Variants in TNFAIP8 observed in about 807,000 individuals in gnomAD.
The protein encoded by TNFAIP8 is tumor necrosis factor alpha-induced protein 8.
TNFAIP8 carries 7 observed loss-of-function variants against 13.3 expected under a neutral mutation model. That is an observed-to-expected ratio of 0.52 (90% CI 0.30 to 0.99). The LOEUF (loss-of-function observed/expected upper bound fraction) is 0.99. TNFAIP8 is among the 50% of genes least tolerant of loss of function. TNFAIP8 has a pLI of 0.07. For synonymous variants in TNFAIP8, 94 were observed against 87.6 expected (o/e 1.07, Z -0.41); for missense variants, 258 against 236.9 (o/e 1.09, Z -0.58).
At chr5:119,344,416 A>G (rs538881663) in intron 1 of TNFAIP8, among the ~76,000 whole-genome samples, 1 of 152,170 alleles carries the variant, frequency 6.6e-6, no homozygotes, top group African/African-American at 2.4e-5. Context: ...AACACCTCCT[A>G]TCAGGCCCCA....
intron 1 of TNFAIP8, among the ~76,000 whole-genome samples, chr5:119,377,340 T>A (rs1366280802): frequency 6.6e-6 from 1 of 151,344 alleles, no homozygotes; most frequent in Non-Finnish European, 1.5e-5. Flanking sequence ...GAGGTCAGAG[T>A]GACATTGCAC....
chr5:119,387,258 T>A (rs763586578), intron 1 of TNFAIP8, among the ~76,000 whole-genome samples: 77 of 152,206 alleles, frequency 5.1e-4, no homozygotes, highest in Non-Finnish European at 8.5e-4. Flanking sequence ...CCCATTAGAT[T>A]TAGAATTATT....
chr5:119,356,158 C>G, intron 1 of TNFAIP8, 37 bp downstream of exon 1: 2 of 1,538,488 alleles, frequency 1.3e-6, no homozygotes. Flanking sequence ...CGGCCAAGTT[C>G]TGCGGAGGAA....
chr5:119,329,215 G>C (rs562401756), intron 1 of TNFAIP8, among the ~76,000 whole-genome samples: 1 of 152,308 alleles, frequency 6.6e-6, no homozygotes, highest in African/African-American at 2.4e-5. Flanking sequence ...CAACACCCAA[G>C]TTATCTGATT....
At chr5:119,363,476 A>G (rs182680377) in intron 1 of TNFAIP8, among the ~76,000 whole-genome samples, 34 of 152,238 alleles carry the variant, frequency 2.2e-4, no homozygotes, top group Non-Finnish European at 4.0e-4. Context: ...TCCTTTCCAG[A>G]TTGTCACACC....
At chr5:119,303,272 A>G (rs982767343) in intron 1 of TNFAIP8, among the ~76,000 whole-genome samples, 26 of 152,204 alleles carry the variant, frequency 1.7e-4, no homozygotes, top group African/African-American at 6.3e-4. Context: ...TTTTGTTTAA[A>G]GTGTATGTCA....
At chr5:119,385,806 C>G (rs1049857052) in intron 1 of TNFAIP8, among the ~76,000 whole-genome samples, 2 of 152,176 alleles carry the variant, frequency 1.3e-5, no homozygotes, top group African/African-American at 4.8e-5. Flanking sequence ...TACTAAAGAG[C>G]ATCAGAATGT....
intron 1 of TNFAIP8, among the ~76,000 whole-genome samples, chr5:119,331,429 T>G (rs888608747): frequency 2.0e-5 from 3 of 152,172 alleles, no homozygotes; most frequent in Admixed American, 6.5e-5. Context: ...CGGGGATATC[T>G]TGGGCATTCT....
intron 1 of TNFAIP8, among the ~76,000 whole-genome samples, chr5:119,317,757 C>A (rs1749942966): frequency 6.6e-6 from 1 of 152,056 alleles, no homozygotes; most frequent in African/African-American, 2.4e-5. Flanking sequence ...GGCCACCATG[C>A]TGGCTAATTT....
intron 1 of TNFAIP8, among the ~76,000 whole-genome samples, chr5:119,283,173 C>G (rs944698292): frequency 6.6e-6 from 1 of 152,238 alleles, no homozygotes; most frequent in Admixed American, 6.5e-5. Flanking sequence ...GCAAGACATT[C>G]TTGCCCTGGT....
intron 1 of TNFAIP8, among the ~76,000 whole-genome samples, chr5:119,344,220 G>GT (rs1184981137): frequency 6.6e-6 from 1 of 152,224 alleles, no homozygotes; most frequent in East Asian, 1.9e-4. Flanking sequence ...GCTTCAGGAA[G>GT]TTTTTCCTCA....
intron 1 of TNFAIP8, chr5:119,333,084 G>A: frequency 1.9e-6 from 1 of 540,052 alleles, no homozygotes; most frequent in Non-Finnish European, 2.4e-6. Context: ...CTGTGAATGG[G>A]GCCTCTCCCT....
intron 1 of TNFAIP8, among the ~76,000 whole-genome samples, chr5:119,325,541 G>A (rs556142438): frequency 1.4e-4 from 21 of 152,278 alleles, no homozygotes; most frequent in Admixed American, 1.0e-3. Context: ...TCTGCCTCCC[G>A]GGCTCACGCC....
intron 1 of TNFAIP8, among the ~76,000 whole-genome samples, chr5:119,381,515 G>T (rs1371977009): frequency 6.6e-6 from 1 of 151,786 alleles, no homozygotes; most frequent in Non-Finnish European, 1.5e-5. Context: ...CCTCCAGCTG[G>T]GTGACAGAGC....
At chr5:119,350,769 GAGGGA>G (rs1206720779) in intron 1 of TNFAIP8, among the ~76,000 whole-genome samples, 1 of 152,152 alleles carries the variant, frequency 6.6e-6, no homozygotes, top group Non-Finnish European at 1.5e-5. Context: ...AGACTGAGGA[GAGGGA>G]TTACCCATAA....
intron 1 of TNFAIP8, among the ~76,000 whole-genome samples, chr5:119,284,499 G>A (rs1748719339): frequency 6.6e-6 from 1 of 151,990 alleles, no homozygotes; most frequent in Non-Finnish European, 1.5e-5. Context: ...TGACCAACAT[G>A]GCAAAACCCC....
intron 1 of TNFAIP8, 78 bp from the exon 2 acceptor site, chr5:119,392,738 A>G: frequency 7.0e-7 from 1 of 1,429,720 alleles, no homozygotes; most frequent in South Asian, 1.5e-5. Flanking sequence ...AAGTGCTCCC[A>G]AATACCTGTT....
At chr5:119,298,661 T>C (rs1460608302) in intron 1 of TNFAIP8, among the ~76,000 whole-genome samples, 5 of 152,194 alleles carry the variant, frequency 3.3e-5, no homozygotes, top group African/African-American at 4.8e-5. Flanking sequence ...CCTGCCTTGC[T>C]GGATTGGGGA....
At chr5:119,292,640 T>C (rs1297840897) in intron 1 of TNFAIP8, among the ~76,000 whole-genome samples, 1 of 80,070 alleles carries the variant, frequency 1.2e-5, no homozygotes, top group Non-Finnish European at 2.8e-5. Context: ...GAATAATCAA[T>C]GTAGCATATA....
Sources: allele counts gnomAD v4.1 joint callset (sites outside exome capture counted in the v4.1 genomes callset), GRCh38; gene constraint gnomAD v4.1.1; transcripts MANE v1.5; gene names NCBI Gene and HGNC (gene_info 2026-07-23, HGNC 2026-07-21).